The following IFT88 variants were observed in gnomAD, a reference collection of about 807,000 sequenced individuals.
The protein encoded by IFT88 is intraflagellar transport 88.
Under a neutral mutation model 119.5 loss-of-function variants are expected in IFT88, and 74 were observed. That is an observed-to-expected ratio of 0.62 (90% CI 0.51 to 0.75). The LOEUF is 0.75. Among genes scored for constraint, IFT88 ranks in the 30% least tolerant of loss-of-function variants. IFT88 has a pLI of 0.00. For missense variants in IFT88, 961 were observed against 977.7 expected (o/e 0.98, Z 0.23); for synonymous variants, 279 against 316.7 (o/e 0.88, Z 1.26).
intron 8 of IFT88, among the ~76,000 whole-genome samples, chr13:20,596,758 G>A (rs934318267): frequency 6.6e-6 from 1 of 152,056 alleles, no homozygotes; most frequent in East Asian, 1.9e-4. Flanking sequence ...TGAGTTATTG[G>A]ATTAATGAAT....
At position 20,607,678 on chromosome 13, in the gene IFT88, C is replaced by T. The variant is rs139622886; in HGVS notation, c.1112+2573C>T. 51 of 880,352 alleles carry T rather than the reference C, an allele frequency of 5.8e-5. No homozygotes were observed. In the African/African-American group the frequency reaches 7.9e-4, roughly 14 times the overall value. 54.5% of individuals were successfully genotyped at this position (880,352 alleles called of 1,614,324 possible). ...TGGACCTCTCAGCTTTCCTGGTCAG[C>T]AGCGACTTGACTACGTCTCACAGTG... On this transcript the variant is annotated intron_variant, in intron 13 of 25. Transcript: ENST00000351808.
rs370247448 is a variant in IFT88, at chr13:20,687,022, CAAAAAAAAAAAAAA to C, written c.2243-3669_2243-3656del. ...CCCAGCTTAAAAGTCACTTTCTTACCAAAAAAAAAAAAAAAAAAAAAAAAAAACCTCATATTTAA... is the reference window on the plus strand; with the variant it reads ...CCCAGCTTAAAAGTCACTTTCTTACCAAAAAAAAAAAAACCTCATATTTAA... On this transcript the variant is annotated intron_variant, in intron 24 of 25. Transcript: ENST00000351808. Among the ~76,000 whole-genome samples the C allele has an allele frequency of 1.3e-4, 8 of 59,806 alleles. No individual in the cohort carries two copies. The South Asian group carries it at 2.9e-3, about 22-fold the overall frequency. 39.2% of individuals were successfully genotyped at this position (59,806 alleles called of 152,430 possible). A position where few individuals can be genotyped will look rare whatever the true frequency, so the allele number is the denominator to read the frequency against.
chr13:20,675,986 G>A (rs951682224), intron 24 of IFT88, among the ~76,000 whole-genome samples: 1 of 152,166 alleles, frequency 6.6e-6, no homozygotes, highest in African/African-American at 2.4e-5. Context: ...TCAAAGCACT[G>A]CTTGAAGCCA....
At chr13:20,646,938 A>G (rs1019613551) in intron 20 of IFT88, among the ~76,000 whole-genome samples, 11 of 150,550 alleles carry the variant, frequency 7.3e-5, no homozygotes, top group Non-Finnish European at 1.5e-5. Flanking sequence ...CATTGATTCC[A>G]TTCCTTTACA....
chr13:20,691,242 G>A lies in IFT88; in HGVS notation c.*67G>A. The A allele has an allele frequency of 2.1e-6, 3 of 1,400,916 alleles. No homozygotes were observed. Among genetic ancestry groups the A allele is most frequent in the Non-Finnish European group, 2.9e-6 (3 of 1,023,798 alleles). The allele number at this position is 1,400,916 out of a possible 1,614,324, so 86.8% of individuals were successfully genotyped here. A position where few individuals can be genotyped will look rare whatever the true frequency, so the allele number is the denominator to read the frequency against. ...GAGATCATCCTCATGTTAAACCTTG[G>A]ATTAAATATCTAACCTGTAATTATT... On this transcript the variant is annotated 3_prime_UTR_variant, in exon 26 of 26. Coordinates refer to ENST00000351808, the MANE Select transcript of IFT88 (RefSeq NM_006531.5).
chr13:20,658,377 G>A (rs181536731), intron 22 of IFT88, among the ~76,000 whole-genome samples: 11 of 152,016 alleles, frequency 7.2e-5, no homozygotes, highest in African/African-American at 2.2e-4. Flanking sequence ...CACCATGCCC[G>A]GCCTAGAACT....
At chr13:20,679,854 G>GTA (rs1352872589) in intron 24 of IFT88, among the ~76,000 whole-genome samples, 1 of 151,920 alleles carries the variant, frequency 6.6e-6, no homozygotes, top group Admixed American at 6.6e-5. Flanking sequence ...TGGGGTTGAG[G>GTA]TACCACTATA....
Position 20,638,357 on chromosome 13 carries a change from G to C in IFT88, c.1412G>C (p.Ser471Thr). ...GGAAAGGATTTTGCACAAGCCAGCA[G>C]CTATGCAGATATAGCTGTGAACTCT... is the stretch of plus-strand genomic sequence containing the variant. ...YMGKDFAQASSYADIAVNSDR... is the reference protein window; with the variant it reads ...YMGKDFAQASTYADIAVNSDR... The change falls in exon 17 of 26, where the codon AGC becomes ACC. Residue 471 changes from serine (S) to threonine (T), a missense_variant. Transcript: ENST00000351808. The C allele has an allele frequency of 7.1e-7, 1 of 1,404,940 alleles. No homozygotes were observed. Among genetic ancestry groups the C allele is most frequent in the Non-Finnish European group, 9.3e-7 (1 of 1,073,492 alleles). The allele number at this position is 1,404,940 out of a possible 1,614,324, so 87.0% of individuals were successfully genotyped here.
chr13:20,599,537 C>A lies in IFT88; in HGVS notation c.784C>A (p.Gln262Lys). 1.3e-6 allele frequency: 2 copies of A among 1,529,626 alleles called. No homozygotes were observed. Among genetic ancestry groups the A allele is most frequent in the South Asian group, 1.2e-5 (1 of 83,332 alleles). The allele number at this position is 1,529,626 out of a possible 1,614,324, so 94.8% of individuals were successfully genotyped here. ...TAAATTCTACCGAATGGCATTAGAC[C>A]AAGTTCCAAGTGTCAATAAGCAAAT... ...AIKFYRMALD[Q>K]VPSVNKQMRI... Residue 262 changes from glutamine to lysine, a missense_variant, in exon 11 of 26, where the codon CAA becomes AAA. Coordinates refer to ENST00000351808, the MANE Select transcript of IFT88 (RefSeq NM_006531.5).
At chr13:20,616,942 T>TTTG (rs894203653) in intron 14 of IFT88, among the ~76,000 whole-genome samples, 12 of 151,754 alleles carry the variant, frequency 7.9e-5, no homozygotes, top group South Asian at 2.1e-4. Flanking sequence ...TTGGTTTTTT[T>TTTG]TTGTTGTTGT....
chr13:20,618,032 C>G (rs2139722745), intron 14 of IFT88, among the ~76,000 whole-genome samples: 1 of 152,282 alleles, frequency 6.6e-6, no homozygotes, highest in Non-Finnish European at 1.5e-5. Flanking sequence ...GTGATCTGTC[C>G]TGGCCTCCCA....
intron 24 of IFT88, among the ~76,000 whole-genome samples, chr13:20,680,295 C>G (rs1459004040): frequency 2.0e-5 from 3 of 152,164 alleles, no homozygotes; most frequent in Non-Finnish European, 4.4e-5. Context: ...GGTAAATCCT[C>G]AAATCCCAAC....
intron 1 of IFT88, among the ~76,000 whole-genome samples, chr13:20,570,819 C>CTGTATTA (rs11281324): frequency 6.6e-6 from 1 of 151,464 alleles, no homozygotes; most frequent in Admixed American, 6.6e-5. Flanking sequence ...CTAAAAACCA[C>CTGTATTA]TGCACCTTGA....
At chr13:20,609,529 G>A (rs935666945) in intron 13 of IFT88, among the ~76,000 whole-genome samples, 6 of 152,138 alleles carry the variant, frequency 3.9e-5, no homozygotes, top group African/African-American at 1.4e-4. Context: ...GGCTGAGGCA[G>A]GTGCATCACT....
At chr13:20,636,901 C>T (rs1021352890) in intron 16 of IFT88, among the ~76,000 whole-genome samples, 5 of 152,162 alleles carry the variant, frequency 3.3e-5, no homozygotes, top group African/African-American at 1.2e-4. Context: ...CCCAAGTGTC[C>T]ATCAACAATG....
intron 22 of IFT88, among the ~76,000 whole-genome samples, chr13:20,662,098 T>G (rs1287408598): frequency 6.6e-6 from 1 of 152,130 alleles, no homozygotes; most frequent in Non-Finnish European, 1.5e-5. Flanking sequence ...CCAAAATGAT[T>G]AATTCTGGGA....
In IFT88 at chr13:20,641,350, A is replaced by T. The variant is rs772666195; in HGVS notation, c.1634A>T (p.His545Leu). 6.2e-7 allele frequency: 1 copy of T among 1,612,808 alleles called. No homozygotes were observed. Among genetic ancestry groups the T allele is most frequent in the Admixed American group, 1.7e-5 (1 of 59,990 alleles). Reference protein sequence around the residue: ...DEALDCFLKLHAILRNSAEVL... With the variant: ...DEALDCFLKLLAILRNSAEVL... ...GCTTTGGACTGTTTCCTGAAACTTCACGCAATCCTACGAAACAGTGCCGAA... is the reference window on the plus strand; with the variant it reads ...GCTTTGGACTGTTTCCTGAAACTTCTCGCAATCCTACGAAACAGTGCCGAA... Residue 545 changes from histidine to leucine, a missense_variant, in exon 18 of 26, where the codon CAC (histidine) becomes CTC (leucine). Transcript: ENST00000351808.
chr13:20,687,351 C>T (rs763278230), intron 24 of IFT88, among the ~76,000 whole-genome samples: 4 of 152,090 alleles, frequency 2.6e-5, no homozygotes, highest in Non-Finnish European at 5.9e-5. Context: ...AACTGCTGAG[C>T]TTGGAATAGC....
At chr13:20,571,063 G>T (rs949832796) in intron 1 of IFT88, among the ~76,000 whole-genome samples, 12 of 151,914 alleles carry the variant, frequency 7.9e-5, no homozygotes, top group African/African-American at 2.9e-4. Context: ...GCACAATCTC[G>T]GCCCACTGCA....
Sources: gnomAD v4.1 joint callset for allele counts (sites outside exome capture counted in the v4.1 genomes callset) on GRCh38, gnomAD v4.1.1 for gene constraint, MANE v1.5 for transcripts, NCBI Gene and HGNC (gene_info 2026-07-23, HGNC 2026-07-21) for gene names.